The following NUP37 variants were observed in gnomAD, a reference collection of about 807,000 sequenced individuals.
NUP37 encodes the protein nucleoporin 37, also known as nucleoporin Nup37.
Under a neutral mutation model 45.4 loss-of-function variants are expected in NUP37, and 33 were observed. The observed-to-expected ratio is 0.73, with a 90% confidence interval of 0.55 to 0.97. The LOEUF (loss-of-function observed/expected upper bound fraction) is 0.97. Ranked by LOEUF, NUP37 falls within the 50% of genes least tolerant of loss-of-function variation. NUP37 has a pLI of 0.00. For missense variants in NUP37, 365 were observed against 389.7 expected, an observed-to-expected ratio of 0.94 and a Z score of 0.53; for synonymous variants, 127 against 130.7, an observed-to-expected ratio of 0.97 and a Z score of 0.19.
chr12:102,077,588 G>T, intron 6 of NUP37, 85 bp from the exon 7 acceptor site: 2 of 1,288,954 alleles, frequency 1.6e-6, no homozygotes, highest in Non-Finnish European at 2.1e-6. Flanking sequence ...ACTGTTGTAC[G>T]GTAAAATGTA....
At chr12:102,105,819 G>A (rs1472742900) in intron 3 of NUP37, among the ~76,000 whole-genome samples, 1 of 140,700 alleles carries the variant, frequency 7.1e-6, no homozygotes, top group Non-Finnish European at 1.5e-5. Flanking sequence ...CCGAGATCAC[G>A]CCAATGCACT....
In NUP37 at chr12:102,086,085, T is replaced by C. The variant is rs555566513; in HGVS notation, c.450-229A>G. Among the ~76,000 whole-genome samples, 9 of 152,258 alleles carry C rather than the reference T, an allele frequency of 5.9e-5. No individual in the cohort carries two copies. In the South Asian group the frequency reaches 1.9e-3, roughly 32 times the overall value. On this transcript the variant is annotated intron_variant, in intron 5 of 9. Coordinates refer to ENST00000552283, the MANE Select transcript of NUP37 (RefSeq NM_024057.4). ...CATGGACAAAAGAGTCACACACATT[T>C]TCCCTCTAATTAATCTATCACAGCA...
At chr12:102,085,526 G>C (rs1879444037) in intron 6 of NUP37, among the ~76,000 whole-genome samples, 1 of 151,948 alleles carries the variant, frequency 6.6e-6, no homozygotes, top group Non-Finnish European at 1.5e-5. Flanking sequence ...ATCCACTAAA[G>C]GTCAGGAAAA....
At chr12:102,117,287 T>G (rs1428968297) in intron 2 of NUP37, among the ~76,000 whole-genome samples, 1 of 151,500 alleles carries the variant, frequency 6.6e-6, no homozygotes, top group African/African-American at 2.4e-5. Context: ...AACCCCCTAC[T>G]AAAAATACAA....
intron 5 of NUP37, among the ~76,000 whole-genome samples, chr12:102,091,372 C>T (rs1050675915): frequency 2.5e-5 from 3 of 119,752 alleles, no homozygotes; most frequent in Non-Finnish European, 4.8e-5. Context: ...TACTCCAGCC[C>T]GGGAAACAGA....
intron 8 of NUP37, among the ~76,000 whole-genome samples, chr12:102,076,038 A>G (rs530521180): frequency 1.3e-5 from 2 of 152,284 alleles, no homozygotes; most frequent in South Asian, 4.1e-4. Context: ...GATGACATTG[A>G]TGAGCTGCTC....
At chr12:102,077,558 T>G in intron 6 of NUP37, 55 bp from the exon 7 acceptor site, 2 of 1,481,146 alleles carry the variant, frequency 1.4e-6, no homozygotes, top group Non-Finnish European at 1.8e-6. Flanking sequence ...TAACTATACC[T>G]GAAGTGTAAG....
chr12:102,104,076 T>C (rs1377830563), intron 3 of NUP37, among the ~76,000 whole-genome samples: 1 of 152,212 alleles, frequency 6.6e-6, no homozygotes, highest in Non-Finnish European at 1.5e-5. Context: ...CATTGCTACA[T>C]ACTGACCAAC....
chr12:102,093,081 C>T (rs1014810795), intron 5 of NUP37, among the ~76,000 whole-genome samples: 2 of 152,038 alleles, frequency 1.3e-5, no homozygotes, highest in African/African-American at 4.8e-5. Flanking sequence ...GATAATTGTA[C>T]AGGCTTATTA....
rs1332539833 is a variant in NUP37, at chr12:102,088,755, G to C, written c.450-2899C>G. On this transcript the variant is annotated intron_variant, in intron 5 of 9. Coordinates refer to ENST00000552283, the MANE Select transcript of NUP37 (RefSeq NM_024057.4). Reference sequence around the variant, plus strand: ...TATTGAACATTCTTGGGTGTTTCTCGGAGAGGGGGATGTGGCAGGGTCATA... The same window carrying C: ...TATTGAACATTCTTGGGTGTTTCTCCGAGAGGGGGATGTGGCAGGGTCATA... Among the ~76,000 whole-genome samples the C allele has an allele frequency of 2.7e-5, 4 of 147,816 alleles. No homozygotes were observed. In the East Asian group the frequency reaches 7.9e-4, roughly 29 times the overall value.
chr12:102,074,436 G>C lies in NUP37; in HGVS notation c.899C>G (p.Ser300Cys), dbSNP rs1274429522. 1.2e-6 allele frequency: 2 copies of C among 1,610,844 alleles called. No individual in the cohort carries two copies. Among genetic ancestry groups the C allele is most frequent in the East Asian group, 2.2e-5 (1 of 44,728 alleles). The change falls in exon 10 of 10, where the codon TCT (serine) becomes TGT (cysteine). Residue 300 changes from serine (S) to cysteine (C), a missense_variant. Transcript: ENST00000552283. ...PILMGSVAVG[S>C]GLSWHRTLPL... ...GAGAGTTCGATGCCAGGACAGTCCA[G>C]ATCCAACGGCTACAGAACCCATGAG...
intron 3 of NUP37, among the ~76,000 whole-genome samples, chr12:102,102,835 A>G (rs1370334228): frequency 6.6e-6 from 1 of 152,244 alleles, no homozygotes; most frequent in Non-Finnish European, 1.5e-5. Context: ...GTTTTGCAAC[A>G]TCATTCATTG....
intron 3 of NUP37, among the ~76,000 whole-genome samples, chr12:102,105,228 G>A (rs1880101108): frequency 6.6e-6 from 1 of 152,090 alleles, no homozygotes; most frequent in Admixed American, 6.5e-5. Context: ...TTTATACATT[G>A]CACAAGAATG....
intron 3 of NUP37, among the ~76,000 whole-genome samples, chr12:102,104,490 A>C (rs1040424561): frequency 2.6e-5 from 4 of 151,968 alleles, no homozygotes; most frequent in African/African-American, 9.7e-5. Flanking sequence ...TCATTTGTCT[A>C]TTTTTTGCTT....
At chr12:102,112,072 A>C in intron 3 of NUP37, 36 bp downstream of exon 3, 1 of 1,595,322 alleles carries the variant, frequency 6.3e-7, no homozygotes, top group Non-Finnish European at 8.6e-7. Context: ...ATCAAAGTAC[A>C]TTAGTAAGGA....
At chr12:102,119,752 C>T (rs1880686924) in intron 1 of NUP37, among the ~76,000 whole-genome samples, 1 of 152,098 alleles carries the variant, frequency 6.6e-6, no homozygotes. Flanking sequence ...TTCGAGGTCA[C>T]GAAATTGTTC....
intron 6 of NUP37, among the ~76,000 whole-genome samples, chr12:102,079,755 C>T (rs1879279441): frequency 6.6e-6 from 1 of 151,946 alleles, no homozygotes; most frequent in East Asian, 1.9e-4. Context: ...AGTAAAATTA[C>T]CCACAAAAAG....
chr12:102,107,925 GA>G (rs1407314849), intron 3 of NUP37, among the ~76,000 whole-genome samples: 6 of 152,202 alleles, frequency 3.9e-5, no homozygotes, highest in Non-Finnish European at 2.9e-5. Flanking sequence ...GCTGATTGGA[GA>G]GGGGCACACT....
intron 3 of NUP37, among the ~76,000 whole-genome samples, chr12:102,106,519 G>A (rs906442445): frequency 5.3e-5 from 8 of 152,066 alleles, no homozygotes; most frequent in African/African-American, 1.9e-4. Flanking sequence ...ATAAAGTAAA[G>A]GAGACTAGAT....
Sources: allele counts gnomAD v4.1 joint callset (sites outside exome capture counted in the v4.1 genomes callset), GRCh38; gene constraint gnomAD v4.1.1; transcripts MANE v1.5; gene names NCBI Gene and HGNC (gene_info 2026-07-23, HGNC 2026-07-21).